Variants in PIK3C3 observed in about 807,000 individuals in gnomAD.
PIK3C3 encodes PI3-kinase type 3.
A neutral mutation model predicts 126.1 loss-of-function variants in PIK3C3; 95 were observed. The observed-to-expected ratio is 0.75, with a 90% CI of 0.64 to 0.89. The LOEUF is 0.89. Ranked by LOEUF, PIK3C3 falls within the 40% of genes least tolerant of loss-of-function variation. The probability of loss-of-function intolerance (pLI) is 0.00; values close to 1 mark genes in which losing one functional copy is unlikely to be tolerated. For missense variants in PIK3C3, 829 were observed against 1,063.2 expected, an observed-to-expected ratio of 0.78 and a Z score of 3.06; for synonymous variants, 374 against 360.0, an observed-to-expected ratio of 1.04 and a Z score of -0.44.
intron 4 of PIK3C3, among the ~76,000 whole-genome samples, chr18:41,987,219 A>G (rs556801779): frequency 6.6e-6 from 1 of 152,206 alleles, no homozygotes; most frequent in South Asian, 2.1e-4. Context: ...TGAAGAGTCA[A>G]TGAATTATTA....
At chr18:42,067,119 G>A (rs1985574479) in intron 23 of PIK3C3, among the ~76,000 whole-genome samples, 1 of 151,988 alleles carries the variant, frequency 6.6e-6, no homozygotes. Context: ...TTTTTGAGAT[G>A]TAGGGCCCTA....
intron 13 of PIK3C3, chr18:42,026,378 G>T (rs1425428022): frequency 6.6e-6 from 1 of 152,102 alleles, no homozygotes; most frequent in Non-Finnish European, 1.5e-5. Context: ...TTAACATATT[G>T]CTCACAGGAT....
Position 42,027,608 on chromosome 18 carries a change from C to G in PIK3C3, c.1590+60C>G. The G allele has an allele frequency of 1.1e-5, 10 of 906,104 alleles. 1 individual carries two copies. The South Asian group carries it at 1.4e-4, about 13-fold the overall frequency. The allele number at this position is 906,104 out of a possible 1,614,324, so 56.1% of individuals were successfully genotyped here. ...CACATGGGCCAAATTCAGCCTGTTG[C>G]CTGTTTAGGAACATCCCATGAGCTA... On this transcript the variant is annotated intron_variant, in intron 14 of 24. Transcript: ENST00000262039.
At chr18:42,035,546 TTCAAC>T (rs1984011821) in intron 16 of PIK3C3, among the ~76,000 whole-genome samples, 1 of 152,156 alleles carries the variant, frequency 6.6e-6, no homozygotes, top group African/African-American at 2.4e-5. Context: ...TTATTTTTCT[TTCAAC>T]TCTTAAGTAT....
chr18:41,958,710 GAT>G (rs573886864), intron 2 of PIK3C3, among the ~76,000 whole-genome samples: 1 of 151,778 alleles, frequency 6.6e-6, no homozygotes, highest in African/African-American at 2.4e-5. Flanking sequence ...TATAGATATA[GAT>G]ATATATGTAT....
intron 19 of PIK3C3, among the ~76,000 whole-genome samples, chr18:42,041,311 A>G (rs1044374803): frequency 2.0e-5 from 3 of 152,168 alleles, no homozygotes; most frequent in Non-Finnish European, 4.4e-5. Context: ...ATATTAATTG[A>G]TGAGCACTTT....
chr18:42,050,605 C>T lies in PIK3C3; in HGVS notation c.2263+1000C>T, dbSNP rs528924911. On this transcript the variant is annotated intron_variant, in intron 21 of 24. Coordinates refer to ENST00000262039, the MANE Select transcript of PIK3C3 (RefSeq NM_002647.4). The stretch of plus-strand genomic sequence containing the variant: ...GACCTCAAAGTCATTCTTAACATGT[C>T]TCTTGGCCTCATCTCATATACTGAA... 3 of 152,336 alleles carry T rather than the reference C, an allele frequency of 2.0e-5. No homozygotes were observed. In the East Asian group the frequency reaches 5.8e-4, roughly 29 times the overall value. The allele number at this position is 152,336 out of a possible 1,614,324, so 9.4% of individuals were successfully genotyped here.
Position 41,976,538 on chromosome 18 carries a change from C to A in PIK3C3, c.531+6082C>A, listed in dbSNP as rs143315686. ...AATAGAGAAGGGATTAAGATCATGG[C>A]TTTAGAGACCATTTTTTATTCAAAT... On this transcript the variant is annotated intron_variant, in intron 4 of 24. Transcript: ENST00000262039. 1.0e-3 allele frequency among the ~76,000 whole-genome samples: 155 copies of A among 152,250 alleles called. 2 individuals are homozygous for A. Among genetic ancestry groups the A allele is most frequent in the African/African-American group, 3.6e-3 (150 of 41,544 alleles).
chr18:41,999,571 T>G (rs974649286), intron 9 of PIK3C3, among the ~76,000 whole-genome samples: 4 of 152,200 alleles, frequency 2.6e-5, no homozygotes, highest in Admixed American at 6.5e-5. Context: ...CATTATCACC[T>G]CTTGGCCTAG....
In PIK3C3 at chr18:42,038,823, A is replaced by G; in HGVS notation, c.2011A>G (p.Lys671Glu). Reference sequence around the variant, plus strand: ...TCTGGACTTGAAATTGACACCTTATAAGGTGTTAGCCACCAGTACAAAACA... The same window carrying G: ...TCTGGACTTGAAATTGACACCTTATGAGGTGTTAGCCACCAGTACAAAACA... ...ENLDLKLTPY[K>E]VLATSTKHGF... The change falls in exon 18 of 25, where the codon AAG (lysine) becomes GAG (glutamate). Residue 671 changes from lysine (K) to glutamate (E), a missense_variant. This residue lies in a region of PIK3C3 where 196 missense variants were observed against 312.8 expected (regional missense o/e 0.63). Coordinates refer to ENST00000262039, the MANE Select transcript of PIK3C3 (RefSeq NM_002647.4). 1 of 1,605,344 alleles carries G rather than the reference A, an allele frequency of 6.2e-7. No homozygotes were observed. The highest frequency in any genetic ancestry group is 8.5e-7 in the Non-Finnish European group (1 of 1,172,556).
intron 24 of PIK3C3, 51 bp downstream of exon 24, chr18:42,067,564 C>G: frequency 1.3e-6 from 2 of 1,598,036 alleles, no homozygotes; most frequent in Admixed American, 1.7e-5. Flanking sequence ...GTGTACTGCC[C>G]CAGAGTCCTT....
intron 19 of PIK3C3, among the ~76,000 whole-genome samples, chr18:42,043,505 A>G (rs1984420478): frequency 6.6e-6 from 1 of 152,026 alleles, no homozygotes; most frequent in Non-Finnish European, 1.5e-5. Flanking sequence ...AATAGGTGCA[A>G]TTGGAAATCT....
intron 22 of PIK3C3, among the ~76,000 whole-genome samples, chr18:42,062,069 A>G (rs1283705463): frequency 6.6e-6 from 1 of 152,136 alleles, no homozygotes; most frequent in Non-Finnish European, 1.5e-5. Flanking sequence ...GGTGAATCTA[A>G]TGGGCAGCCA....
At chr18:42,062,995 C>T (rs1397101111) in intron 22 of PIK3C3, among the ~76,000 whole-genome samples, 1 of 152,110 alleles carries the variant, frequency 6.6e-6, no homozygotes, top group Non-Finnish European at 1.5e-5. Context: ...TCCTGTCCAC[C>T]TGGAAGTCTA....
chr18:42,058,113 G>A, intron 22 of PIK3C3, 62 bp downstream of exon 22: 1 of 1,408,638 alleles, frequency 7.1e-7, no homozygotes, highest in Non-Finnish European at 9.5e-7. Context: ...TAGAACAAGA[G>A]AATTTGTTTA....
At position 42,083,013 on chromosome 18, in the gene PIK3C3, A is replaced by G. The variant is rs1986303212; in HGVS notation, c.*1876A>G. 1 of 152,206 alleles carries G rather than the reference A, an allele frequency of 6.6e-6. No homozygotes were observed. Among genetic ancestry groups the G allele is most frequent in the African/African-American group, 2.4e-5 (1 of 41,460 alleles). 9.4% of individuals were successfully genotyped at this position (152,206 alleles called of 1,614,324 possible). The stretch of plus-strand genomic sequence containing the variant: ...TCAGTGCCACCTTAACAAGAATTGT[A>G]AAGAGGATAAACCTTTCTAGGAAGG... On this transcript the variant is annotated 3_prime_UTR_variant, in exon 25 of 25. Transcript: ENST00000262039.
intron 16 of PIK3C3, among the ~76,000 whole-genome samples, chr18:42,036,641 T>C (rs1252621186): frequency 3.3e-5 from 5 of 152,058 alleles, no homozygotes; most frequent in Non-Finnish European, 7.4e-5. Flanking sequence ...CTTTATTTTT[T>C]TTTTGTTGAT....
At chr18:42,076,308 T>G (rs1986032030) in intron 24 of PIK3C3, among the ~76,000 whole-genome samples, 1 of 151,108 alleles carries the variant, frequency 6.6e-6, no homozygotes, top group African/African-American at 2.4e-5. Flanking sequence ...GCTTTTGTTG[T>G]GAGTAGTGAG....
rs192007437 is a variant in PIK3C3, at chr18:41,965,396, G to A, written c.401+2764G>A. On this transcript the variant is annotated intron_variant, in intron 3 of 24. Coordinates refer to ENST00000262039, the MANE Select transcript of PIK3C3 (RefSeq NM_002647.4). ...CCACAGATGCAGTGAAATGAACTGC[G>A]TACATCTAAACAAACTCTCAGATTG... 7.2e-4 allele frequency among the ~76,000 whole-genome samples: 110 copies of A among 152,246 alleles called. 1 individual carries two copies. The East Asian group carries it at 0.019, about 26-fold the overall frequency.
Sources: gnomAD v4.1 joint callset for allele counts (sites outside exome capture counted in the v4.1 genomes callset) on GRCh38, gnomAD v4.1.1 for gene constraint, gnomAD v4.1.1 regional missense constraint, MANE v1.5 for transcripts, NCBI Gene and HGNC (gene_info 2026-07-23, HGNC 2026-07-21) for gene names.